Variants in GSE1 observed in about 807,000 individuals in gnomAD.
GSE1 encodes Gse1 coiled-coil protein, also known as genetic suppressor element 1.
In GSE1, 32 loss-of-function variants were observed where a neutral mutation model predicts 112.6. That is an observed-to-expected ratio of 0.28 (90% confidence interval 0.21 to 0.38). GSE1 has a LOEUF of 0.38. Among genes scored for constraint, GSE1 ranks in the 10% least tolerant of loss-of-function variants. GSE1 has a pLI of 1.00. For missense variants in GSE1, 2,348 were observed against 1,699.2 expected, an observed-to-expected ratio of 1.38 and a Z score of -6.71; for synonymous variants, 1,115 against 735.6, an observed-to-expected ratio of 1.52 and a Z score of -8.35.
intron 2 of GSE1, among the ~76,000 whole-genome samples, chr16:85,504,391 T>C (rs2051469353): frequency 6.6e-6 from 1 of 152,252 alleles, no homozygotes; most frequent in South Asian, 2.1e-4. Flanking sequence ...CCCAGAGGTC[T>C]GGCTTTCCAA....
chr16:85,649,394 G>A (rs1235647452), intron 3 of GSE1, among the ~76,000 whole-genome samples: 1 of 152,220 alleles, frequency 6.6e-6, no homozygotes, highest in Non-Finnish European at 1.5e-5. Flanking sequence ...AATTGAGGTA[G>A]GAAAGATCCC....
intron 2 of GSE1, among the ~76,000 whole-genome samples, chr16:85,364,931 C>G (rs1352071154): frequency 6.6e-6 from 1 of 152,258 alleles, no homozygotes; most frequent in Non-Finnish European, 1.5e-5. Context: ...CTTCCCACTT[C>G]TACATGCTCT....
intron 2 of GSE1, among the ~76,000 whole-genome samples, chr16:85,385,835 AC>A (rs944896689): frequency 5.3e-5 from 8 of 151,358 alleles, no homozygotes; most frequent in Non-Finnish European, 1.0e-4. Context: ...ACCGCGGGTG[AC>A]CCCCGGGCCA....
intron 2 of GSE1, among the ~76,000 whole-genome samples, chr16:85,478,570 T>A (rs1444788035): frequency 6.6e-6 from 1 of 150,976 alleles, no homozygotes. Flanking sequence ...GACAGACCAG[T>A]GTGTCCATTC....
intron 1 of GSE1, among the ~76,000 whole-genome samples, chr16:85,270,762 G>A (rs1347632118): frequency 2.4e-5 from 3 of 125,936 alleles, no homozygotes; most frequent in Non-Finnish European, 5.9e-5. Flanking sequence ...GGGTGTTTCC[G>A]GGGTGGGAGA....
chr16:85,654,643 C>G, intron 4 of GSE1, 151 bp from the exon 5 acceptor site: 1 of 712,990 alleles, frequency 1.4e-6, no homozygotes, highest in Admixed American at 2.2e-5. Context: ...GCTCGCTCCC[C>G]CCGCTGCTTA....
chr16:85,643,559 G>A (rs2050618188), intron 2 of GSE1, among the ~76,000 whole-genome samples: 1 of 152,194 alleles, frequency 6.6e-6, no homozygotes. Context: ...CTCTGGAGTG[G>A]CAGCTGCCTT....
intron 2 of GSE1, among the ~76,000 whole-genome samples, chr16:85,470,123 G>A (rs761813849): frequency 9.9e-5 from 15 of 152,228 alleles, no homozygotes; most frequent in African/African-American, 1.4e-4. Flanking sequence ...TCCATGTTCC[G>A]CTTTTTATCA....
At chr16:85,665,185 G>A in intron 12 of GSE1, 57 bp downstream of exon 12, 1 of 1,015,190 alleles carries the variant, frequency 9.9e-7, no homozygotes. Context: ...GGGCTGCCCA[G>A]GCTCAGAGGC....
intron 2 of GSE1, among the ~76,000 whole-genome samples, chr16:85,408,905 A>T (rs867124380): frequency 0.022 from 47 of 2,110 alleles, 1 homozygote; most frequent in Non-Finnish European, 0.03. Context: ...TCACTGTTAC[A>T]CTCAGGCCCC....
At chr16:85,642,375 G>C (rs1366779067) in intron 2 of GSE1, among the ~76,000 whole-genome samples, 4 of 152,224 alleles carry the variant, frequency 2.6e-5, no homozygotes, top group Non-Finnish European at 5.9e-5. Flanking sequence ...CTGATGACAG[G>C]AAGAGCCCCC....
chr16:85,330,038 C>T (rs1393451855), intron 1 of GSE1, among the ~76,000 whole-genome samples: 1 of 152,120 alleles, frequency 6.6e-6, no homozygotes, highest in Non-Finnish European at 1.5e-5. Context: ...GCAGTCTCCC[C>T]GGTGGGCTCC....
At chr16:85,302,277 G>A (rs1486387592) in intron 1 of GSE1, among the ~76,000 whole-genome samples, 1 of 152,172 alleles carries the variant, frequency 6.6e-6, no homozygotes, top group Admixed American at 6.5e-5. Context: ...TTAATCCGGG[G>A]TGACTCGGAG....
At chr16:85,652,056 A>T (rs2051403685) in intron 3 of GSE1, among the ~76,000 whole-genome samples, 1 of 152,186 alleles carries the variant, frequency 6.6e-6, no homozygotes, top group South Asian at 2.1e-4. Context: ...GGGCTGGGGT[A>T]GGCAGGCCAG....
chr16:85,202,521 G>A (rs1439750794), intron 1 of GSE1, among the ~76,000 whole-genome samples: 1 of 152,198 alleles, frequency 6.6e-6, no homozygotes, highest in Non-Finnish European at 1.5e-5. Context: ...TGGGGAGGGG[G>A]CCGGCTCTGG....
chr16:85,606,480 G>A (rs1051202231), upstream of GSE1, among the ~76,000 whole-genome samples: 2 of 152,222 alleles, frequency 1.3e-5, no homozygotes, highest in African/African-American at 2.4e-5. Flanking sequence ...GGGATGGAAC[G>A]GAGGGCTTCA....
intron 2 of GSE1, among the ~76,000 whole-genome samples, chr16:85,434,793 G>A (rs1266300210): frequency 6.6e-6 from 1 of 152,214 alleles, no homozygotes; most frequent in Admixed American, 6.5e-5. Flanking sequence ...CTCCAGCCTG[G>A]GAGACAGTGA....
At chr16:85,651,988 C>T (rs1318396107) in intron 3 of GSE1, among the ~76,000 whole-genome samples, 1 of 152,240 alleles carries the variant, frequency 6.6e-6, no homozygotes, top group African/African-American at 2.4e-5. Flanking sequence ...GGCCCTATGC[C>T]AGGCAGGGTA....
chr16:85,507,056 G>A (rs532405604), intron 2 of GSE1, among the ~76,000 whole-genome samples: 35 of 152,280 alleles, frequency 2.3e-4, no homozygotes, highest in South Asian at 8.3e-4. Flanking sequence ...GTGGGGTTGC[G>A]GTTTCTCCCG....
Sources: allele counts gnomAD v4.1 joint callset (sites outside exome capture counted in the v4.1 genomes callset), GRCh38; gene constraint gnomAD v4.1.1; transcripts MANE v1.5; gene names NCBI Gene and HGNC (gene_info 2026-07-23, HGNC 2026-07-21).